SOX5: variants seen among roughly 807,000 people sequenced by gnomAD.
SOX5 encodes SRY-box transcription factor 5.
A neutral mutation model predicts 92.0 loss-of-function variants in SOX5; 9 were observed. That is an observed-to-expected ratio of 0.10 (90% confidence interval 0.06 to 0.17). The LOEUF is 0.17. Ranked by LOEUF, SOX5 falls within the 10% of genes least tolerant of loss-of-function variation. The pLI, the probability that SOX5 is intolerant of heterozygous loss-of-function variation, is 1.00. For synonymous variants in SOX5, 344 were observed against 336.3 expected (o/e 1.02, Z -0.25); for missense variants, 642 against 944.5 (o/e 0.68, Z 4.20).
chr12:24,455,746 G>T (rs937431907), intron 1 of SOX5, among the ~76,000 whole-genome samples: 1 of 152,172 alleles, frequency 6.6e-6, no homozygotes, highest in Non-Finnish European at 1.5e-5. Context: ...CTCAGTAGAG[G>T]CTTGTGCTGT....
At chr12:23,640,780 C>T (rs199609287) in intron 8 of SOX5, 32 bp downstream of exon 8, 1 of 1,519,094 alleles carries the variant, frequency 6.6e-7, no homozygotes, top group Admixed American at 1.7e-5. Flanking sequence ...TTTACTTAAC[C>T]TTTGTCTCCT....
At chr12:23,737,748 T>A (rs1416893680) in intron 5 of SOX5, among the ~76,000 whole-genome samples, 1 of 143,592 alleles carries the variant, frequency 7.0e-6, no homozygotes, top group East Asian at 1.9e-4. Context: ...CCAAGGATGC[T>A]CCTGCCTCCC....
chr12:24,445,141 A>C (rs1398221288), intron 1 of SOX5, among the ~76,000 whole-genome samples: 1 of 152,216 alleles, frequency 6.6e-6, no homozygotes, highest in African/African-American at 2.4e-5. Flanking sequence ...AAGTTAGTTA[A>C]AACAATAAGT....
intron 4 of SOX5, among the ~76,000 whole-genome samples, chr12:24,032,364 T>C (rs1017348430): frequency 1.3e-5 from 2 of 151,910 alleles, no homozygotes; most frequent in African/African-American, 4.8e-5. Flanking sequence ...ACCATCTAAC[T>C]GAATTTAGTT....
At chr12:24,343,137 G>A (rs370466904) in intron 2 of SOX5, among the ~76,000 whole-genome samples, 3 of 152,202 alleles carry the variant, frequency 2.0e-5, no homozygotes, top group East Asian at 3.8e-4. Context: ...GCTGAAGTGC[G>A]TGCCAGCCCA....
intron 1 of SOX5, among the ~76,000 whole-genome samples, chr12:23,928,952 C>A (rs538098997): frequency 6.6e-6 from 1 of 151,524 alleles, no homozygotes; most frequent in African/African-American, 2.4e-5. Flanking sequence ...TAAATTATTG[C>A]AAGTAAATAT....
intron 3 of SOX5, among the ~76,000 whole-genome samples, chr12:24,216,601 C>T (rs1277205914): frequency 6.6e-6 from 1 of 152,128 alleles, no homozygotes; most frequent in Non-Finnish European, 1.5e-5. Context: ...CAATTATATG[C>T]TTATGTAATA....
chr12:24,411,185 A>C (rs1307037170), intron 1 of SOX5, among the ~76,000 whole-genome samples: 1 of 151,748 alleles, frequency 6.6e-6, no homozygotes, highest in Non-Finnish European at 1.5e-5. Flanking sequence ...TAGTTTTGGG[A>C]GTTAGTTTTT....
intron 2 of SOX5, among the ~76,000 whole-genome samples, chr12:24,344,208 G>T (rs1276803403): frequency 5.5e-5 from 8 of 146,294 alleles, no homozygotes; most frequent in African/African-American, 2.0e-4. Flanking sequence ...ACTTGAACCA[G>T]GGAGTCGGAG....
chr12:23,887,649 T>A (rs1029498593), intron 2 of SOX5, among the ~76,000 whole-genome samples: 3 of 152,238 alleles, frequency 2.0e-5, no homozygotes, highest in African/African-American at 7.2e-5. Flanking sequence ...GTCACCCAGA[T>A]AAGGAAAGGA....
chr12:24,418,607 C>G (rs1024317411), intron 1 of SOX5, among the ~76,000 whole-genome samples: 3 of 152,152 alleles, frequency 2.0e-5, no homozygotes, highest in African/African-American at 7.2e-5. Context: ...CAGAGGAGAA[C>G]AGAAATTAGG....
At chr12:23,954,192 T>G (rs537015644), upstream of SOX5, among the ~76,000 whole-genome samples, 1 of 152,020 alleles carries the variant, frequency 6.6e-6, no homozygotes, top group Non-Finnish European at 1.5e-5. Context: ...TGGTCATAGG[T>G]GCAAATTACA....
intron 3 of SOX5, among the ~76,000 whole-genome samples, chr12:23,802,241 A>AT (rs909566626): frequency 5.0e-4 from 74 of 149,064 alleles, no homozygotes; most frequent in East Asian, 4.7e-3. Flanking sequence ...GTCCAGCTAA[A>AT]TTTTTTTTTT....
intron 6 of SOX5, among the ~76,000 whole-genome samples, chr12:23,684,987 T>C (rs985028338): frequency 6.6e-6 from 1 of 152,110 alleles, no homozygotes. Context: ...ATCAAATAAT[T>C]TATGTACTTG....
At chr12:24,132,507 T>C (rs1949743154) in intron 4 of SOX5, among the ~76,000 whole-genome samples, 1 of 152,102 alleles carries the variant, frequency 6.6e-6, no homozygotes, top group Non-Finnish European at 1.5e-5. Flanking sequence ...TCATGTAAAG[T>C]GGGAAAACAA....
chr12:23,939,042 T>G (rs1943130625), intron 1 of SOX5, among the ~76,000 whole-genome samples: 1 of 151,018 alleles, frequency 6.6e-6, no homozygotes, highest in Admixed American at 6.6e-5. Flanking sequence ...CCAAATATTT[T>G]TATGATTTTT....
At chr12:24,425,513 C>T (rs1352769386) in intron 1 of SOX5, among the ~76,000 whole-genome samples, 3 of 152,196 alleles carry the variant, frequency 2.0e-5, no homozygotes, top group African/African-American at 7.2e-5. Context: ...GCAAAGCTGG[C>T]ATAACATTAC....
intron 1 of SOX5, among the ~76,000 whole-genome samples, chr12:24,401,346 C>T (rs1472768047): frequency 8.3e-5 from 10 of 120,968 alleles, no homozygotes; most frequent in African/African-American, 3.1e-4. Flanking sequence ...AGCAAGACTC[C>T]ATCTCAGGGG....
intron 2 of SOX5, among the ~76,000 whole-genome samples, chr12:24,306,150 A>C (rs1948539867): frequency 6.6e-6 from 1 of 152,168 alleles, no homozygotes; most frequent in Admixed American, 6.5e-5. Flanking sequence ...CTGAAAGTGG[A>C]ATTCAGGGCT....
Sources: gnomAD v4.1 joint callset for allele counts (sites outside exome capture counted in the v4.1 genomes callset) on GRCh38, gnomAD v4.1.1 for gene constraint, MANE v1.5 for transcripts, NCBI Gene and HGNC (gene_info 2026-07-23, HGNC 2026-07-21) for gene names.